The following CDYL2 variants were observed in gnomAD, a reference collection of about 807,000 sequenced individuals.
The protein encoded by CDYL2 is chromodomain Y like 2.
A neutral mutation model predicts 49.4 loss-of-function variants in CDYL2; 23 were observed. The observed-to-expected ratio is 0.47, with a 90% CI of 0.34 to 0.66. The LOEUF is 0.66. CDYL2 is among the 30% of genes least tolerant of loss of function. The pLI is 0.01. For missense variants in CDYL2, 678 were observed against 656.4 expected (o/e 1.03, Z -0.36); for synonymous variants, 360 against 268.8 (o/e 1.34, Z -3.32).
At chr16:80,672,997 G>A (rs1909593197) in intron 2 of CDYL2, among the ~76,000 whole-genome samples, 3 of 152,202 alleles carry the variant, frequency 2.0e-5, no homozygotes, top group Admixed American at 2.0e-4. Flanking sequence ...TGTCTTGTAG[G>A]AGGAGCTGCT....
At chr16:80,644,876 C>G (rs899197209) in intron 2 of CDYL2, among the ~76,000 whole-genome samples, 1 of 151,848 alleles carries the variant, frequency 6.6e-6, no homozygotes, top group African/African-American at 2.4e-5. Context: ...CTGACAAAAA[C>G]AAGAAATGGG....
At chr16:80,708,526 GA>G (rs1198324153) in intron 1 of CDYL2, among the ~76,000 whole-genome samples, 1 of 152,138 alleles carries the variant, frequency 6.6e-6, no homozygotes, top group Non-Finnish European at 1.5e-5. Context: ...GCAGTTATGA[GA>G]ATGAACGAAT....
chr16:80,649,489 C>T (rs935239198), intron 2 of CDYL2, among the ~76,000 whole-genome samples: 50 of 151,794 alleles, frequency 3.3e-4, no homozygotes, highest in Non-Finnish European at 1.8e-4. Flanking sequence ...TTGAAGAGGA[C>T]GCCAAAAACT....
chr16:80,754,241 A>T (rs1310304453), intron 1 of CDYL2, among the ~76,000 whole-genome samples: 1 of 152,166 alleles, frequency 6.6e-6, no homozygotes, highest in Non-Finnish European at 1.5e-5. Context: ...ACATCAGCAA[A>T]GGAGGTGAAA....
chr16:80,656,163 A>C (rs1209887451), intron 2 of CDYL2, among the ~76,000 whole-genome samples: 2 of 152,240 alleles, frequency 1.3e-5, no homozygotes, highest in Admixed American at 1.3e-4. Context: ...CAATCAATTA[A>C]AGAACTGACC....
Position 80,723,590 on chromosome 16 carries a change from G to C in CDYL2, c.25-38461C>G, listed in dbSNP as rs569567381. On this transcript the variant is annotated intron_variant, in intron 1 of 6. Coordinates refer to ENST00000570137, the MANE Select transcript of CDYL2 (RefSeq NM_152342.4). Reference sequence around the variant, plus strand: ...AATGAGATACTGATTCCACAGGATAGTCCCCCATGTTCCTTAGGATAAAGT... The same window carrying C: ...AATGAGATACTGATTCCACAGGATACTCCCCCATGTTCCTTAGGATAAAGT... 4.6e-5 allele frequency among the ~76,000 whole-genome samples: 7 copies of C among 152,296 alleles called. No individual in the cohort carries two copies. The South Asian group carries it at 1.4e-3, about 32-fold the overall frequency.
At chr16:80,614,322 C>G (rs1453548847) in intron 4 of CDYL2, among the ~76,000 whole-genome samples, 2 of 152,192 alleles carry the variant, frequency 1.3e-5, no homozygotes, top group African/African-American at 4.8e-5. Flanking sequence ...TGAGCAAAAA[C>G]CCACCAGTAC....
chr16:80,740,712 C>T (rs965925146), intron 1 of CDYL2, among the ~76,000 whole-genome samples: 1 of 151,690 alleles, frequency 6.6e-6, no homozygotes, highest in Non-Finnish European at 1.5e-5. Context: ...TCAGTAATAA[C>T]CAGTGAGAAA....
At position 80,666,633 on chromosome 16, in the gene CDYL2, G is replaced by A. The variant is rs1029322908; in HGVS notation, c.616+17905C>T. 4.5e-4 allele frequency among the ~76,000 whole-genome samples: 69 copies of A among 152,176 alleles called. 1 individual carries two copies. Among genetic ancestry groups the A allele is most frequent in the African/African-American group, 1.6e-3 (67 of 41,442 alleles). ...AAGGGAATCCTGTCGTTGCTGTGAA[G>A]AGCCCTGACAAAATACGGGCTTTCC... is the stretch of plus-strand genomic sequence containing the variant. On this transcript the variant is annotated intron_variant, in intron 2 of 6. Transcript: ENST00000570137.
chr16:80,731,578 G>T (rs145833876), intron 1 of CDYL2, among the ~76,000 whole-genome samples: 29 of 152,236 alleles, frequency 1.9e-4, no homozygotes, highest in Admixed American at 3.3e-4. Context: ...TCAAAGATAA[G>T]ACTGTGAAAT....
intron 1 of CDYL2, among the ~76,000 whole-genome samples, chr16:80,801,332 T>C (rs190967191): frequency 1.4e-3 from 219 of 152,376 alleles, no homozygotes; most frequent in Non-Finnish European, 2.6e-3. Context: ...TTCTTCACTA[T>C]GATTGAAGAG....
chr16:80,717,320 A>C (rs779105073), intron 1 of CDYL2, among the ~76,000 whole-genome samples: 7 of 152,220 alleles, frequency 4.6e-5, no homozygotes, highest in Non-Finnish European at 8.8e-5. Flanking sequence ...ACGATCTTGA[A>C]TTATCACCAG....
At chr16:80,747,532 G>C (rs548370286) in intron 1 of CDYL2, among the ~76,000 whole-genome samples, 6 of 152,190 alleles carry the variant, frequency 3.9e-5, no homozygotes, top group South Asian at 2.1e-4. Context: ...AGGGATTGTT[G>C]TTACCAATGT....
At chr16:80,769,466 A>G (rs1035789715) in intron 1 of CDYL2, among the ~76,000 whole-genome samples, 3 of 152,210 alleles carry the variant, frequency 2.0e-5, no homozygotes, top group Non-Finnish European at 4.4e-5. Flanking sequence ...TGGCCAAATA[A>G]AAGAAGAGTT....
At chr16:80,711,892 A>C (rs1904609051) in intron 1 of CDYL2, among the ~76,000 whole-genome samples, 1 of 151,904 alleles carries the variant, frequency 6.6e-6, no homozygotes, top group African/African-American at 2.4e-5. Flanking sequence ...TAGAGACGTC[A>C]ACGGGACCCT....
At chr16:80,613,203 G>A (rs1055417969) in intron 4 of CDYL2, among the ~76,000 whole-genome samples, 2 of 152,006 alleles carry the variant, frequency 1.3e-5, no homozygotes, top group African/African-American at 2.4e-5. Context: ...GAATGTTAAG[G>A]TGCAGAAGCA....
At chr16:80,709,608 C>A (rs1257003456) in intron 1 of CDYL2, among the ~76,000 whole-genome samples, 1 of 147,348 alleles carries the variant, frequency 6.8e-6, no homozygotes, top group Non-Finnish European at 1.5e-5. Context: ...CCTCAAACAC[C>A]CATGAGCTCC....
intron 1 of CDYL2, among the ~76,000 whole-genome samples, chr16:80,758,570 G>A (rs928989565): frequency 3.1e-5 from 4 of 127,460 alleles, no homozygotes; most frequent in Admixed American, 8.9e-5. Context: ...TTGTGACTGA[G>A]TCCACACTGT....
chr16:80,785,536 C>T (rs1907406253), intron 1 of CDYL2, among the ~76,000 whole-genome samples: 1 of 152,088 alleles, frequency 6.6e-6, no homozygotes, highest in East Asian at 1.9e-4. Flanking sequence ...GGCCTTACTG[C>T]CCGAAGTAAT....
Sources: allele counts gnomAD v4.1 joint callset (sites outside exome capture counted in the v4.1 genomes callset), GRCh38; gene constraint gnomAD v4.1.1; transcripts MANE v1.5; gene names NCBI Gene and HGNC (gene_info 2026-07-23, HGNC 2026-07-21).